CIZ1: variants seen among roughly 807,000 people sequenced by gnomAD.
CIZ1 encodes the protein cip1-interacting zinc finger protein.
In CIZ1, 58 loss-of-function variants were observed where a neutral mutation model predicts 118.6. That is an observed-to-expected ratio of 0.49 (90% CI 0.40 to 0.61). The LOEUF (loss-of-function observed/expected upper bound fraction) is 0.61. Ranked by LOEUF, CIZ1 falls within the 20% of genes least tolerant of loss-of-function variation. The pLI, the probability that CIZ1 is intolerant of heterozygous loss-of-function variation, is 0.00. For synonymous variants in CIZ1, 448 were observed against 443.4 expected, an observed-to-expected ratio of 1.01 and a Z score of -0.13; for missense variants, 921 against 1,115.9, an observed-to-expected ratio of 0.83 and a Z score of 2.49.
chr9:128,175,019 A>G (rs1830687433), intron 11 of CIZ1, among the ~76,000 whole-genome samples: 1 of 152,214 alleles, frequency 6.6e-6, no homozygotes. Flanking sequence ...TGGAGAGATA[A>G]CATTGGGAGA....
intron 1 of CIZ1, among the ~76,000 whole-genome samples, chr9:128,198,591 T>A (rs1833433215): frequency 6.6e-6 from 1 of 152,108 alleles, no homozygotes; most frequent in Admixed American, 6.6e-5. Flanking sequence ...CCCAGCACTT[T>A]GGGAGGCCGA....
intron 9 of CIZ1, 41 bp downstream of exon 9, chr9:128,178,328 C>A: frequency 6.3e-7 from 1 of 1,592,608 alleles, no homozygotes; most frequent in South Asian, 1.1e-5. Flanking sequence ...CCCTGCTGGG[C>A]TCTGTGGCCC....
chr9:128,166,714 CTA>C lies in CIZ1; in HGVS notation c.2487+43_2487+44del, dbSNP rs762951309. 62 of 1,613,556 alleles carry C rather than the reference CTA, an allele frequency of 3.8e-5. No homozygotes were observed. The African/African-American group carries it at 5.7e-4, about 15-fold the overall frequency. ...CCACCCGAATCAGCTTGGATTAAGA[CTA>C]AGTCTGTGGCCAGGGGAGGACAGGG... On this transcript the variant is annotated intron_variant, in intron 16 of 16. Transcript: ENST00000372938. The surrounding 1 kb of genome is among the most constrained non-coding windows in gnomAD (Gnocchi z 4.4).
upstream of CIZ1, among the ~76,000 whole-genome samples, chr9:128,196,459 G>T (rs1419135133): frequency 2.0e-5 from 3 of 151,324 alleles, no homozygotes; most frequent in Admixed American, 2.0e-4. Context: ...GAGGTGAGAG[G>T]ATCACTTGGG....
At chr9:128,185,277 TCAAAAAACAAA>T (rs1297468029) in intron 5 of CIZ1, among the ~76,000 whole-genome samples, 1 of 152,040 alleles carries the variant, frequency 6.6e-6, no homozygotes, top group Non-Finnish European at 1.5e-5. Flanking sequence ...AAACTTCATC[TCAAAAAACAAA>T]CAAAAAAGAA....
At chr9:128,180,908 G>A (rs547930034) in intron 5 of CIZ1, 94 bp from the exon 6 acceptor site, 27 of 895,794 alleles carry the variant, frequency 3.0e-5, no homozygotes, top group Non-Finnish European at 4.5e-5. Context: ...TCCAGGGGAT[G>A]ACAGGGCCCT....
chr9:128,169,611 G>A (rs995333970), intron 12 of CIZ1, 92 bp from the exon 13 acceptor site: 23 of 1,567,512 alleles, frequency 1.5e-5, no homozygotes, highest in Admixed American at 3.8e-5. Context: ...CACCTCCCCC[G>A]GGCAGGCCCA....
At chr9:128,178,290 T>G in intron 9 of CIZ1, 79 bp downstream of exon 9, 1 of 1,488,106 alleles carries the variant, frequency 6.7e-7, no homozygotes, top group Non-Finnish European at 9.1e-7. Flanking sequence ...GGCCCTGAGG[T>G]GGCCTGGGGC....
intron 1 of CIZ1, among the ~76,000 whole-genome samples, chr9:128,199,412 G>C: frequency 6.6e-6 from 1 of 151,576 alleles, no homozygotes; most frequent in East Asian, 1.9e-4. Flanking sequence ...CAAAACTTTG[G>C]GAGCTCAGCC....
intron 7 of CIZ1, among the ~76,000 whole-genome samples, chr9:128,179,809 A>AT (rs1201806643): frequency 6.6e-6 from 1 of 151,974 alleles, no homozygotes. Context: ...AGTAGCTGGG[A>AT]TTACAGACAT....
intron 11 of CIZ1, among the ~76,000 whole-genome samples, 196 bp downstream of exon 11, chr9:128,176,155 T>G (rs1457188790): frequency 6.6e-6 from 1 of 152,210 alleles, no homozygotes; most frequent in East Asian, 1.9e-4. Flanking sequence ...CATGAATTCC[T>G]GTACTATATC....
At chr9:128,192,825 G>T (rs775143804), upstream of CIZ1, among the ~76,000 whole-genome samples, 2 of 152,246 alleles carry the variant, frequency 1.3e-5, no homozygotes, top group African/African-American at 2.4e-5. Flanking sequence ...TTACAGGGGT[G>T]AGCCACCTCT....
rs78779152 is a variant in CIZ1, at chr9:128,191,184, G to A, written c.-6+248C>T. On this transcript the variant is annotated intron_variant, in intron 1 of 16. Transcript: ENST00000372938. This position sits in a 1 kb window ranked among gnomAD's most constrained non-coding sequence, Gnocchi z 5.5. ...ACCCTCAGCCTCAGCCTCTCTCTGCGCCCATCACTTCCTCACTCACAGCCC... is the reference window on the plus strand; with the variant it reads ...ACCCTCAGCCTCAGCCTCTCTCTGCACCCATCACTTCCTCACTCACAGCCC... The A allele has an allele frequency of 9.5e-3, 4,172 of 437,858 alleles. 167 individuals are homozygous for A. The highest frequency in any genetic ancestry group is 0.081 in the East Asian group (2,076 of 25,760). 27.1% of individuals were successfully genotyped at this position (437,858 alleles called of 1,614,324 possible).
chr9:128,181,770 G>A (rs7467855), intron 5 of CIZ1, among the ~76,000 whole-genome samples: 9 of 145,788 alleles, frequency 6.2e-5, no homozygotes, highest in African/African-American at 1.3e-4. Flanking sequence ...AAGGCGGGGG[G>A]GGGGGGGGGG....
At chr9:128,169,912 G>T in intron 12 of CIZ1, 108 bp downstream of exon 12, 1 of 1,110,740 alleles carries the variant, frequency 9.0e-7, no homozygotes, top group Non-Finnish European at 1.3e-6. Flanking sequence ...GGTTATGGGT[G>T]TGCAGGGGCA....
chr9:128,181,148 T>C (rs1339417713), intron 5 of CIZ1, among the ~76,000 whole-genome samples: 2 of 151,750 alleles, frequency 1.3e-5, no homozygotes, highest in Non-Finnish European at 2.9e-5. Flanking sequence ...AGAATTTCAG[T>C]CTTGTGGCCT....
chr9:128,169,542 A>T (rs1829869045), intron 12 of CIZ1, 23 bp from the exon 13 acceptor site: 1 of 1,612,260 alleles, frequency 6.2e-7, no homozygotes, highest in African/African-American at 1.3e-5. Flanking sequence ...AGGCCAACCA[A>T]GCAGTGTCCC....
chr9:128,184,355 T>C (rs1223770507), intron 5 of CIZ1, among the ~76,000 whole-genome samples: 2 of 152,236 alleles, frequency 1.3e-5, no homozygotes, highest in South Asian at 2.1e-4. Context: ...GAAATGATAA[T>C]AGTTTCATAT....
intron 1 of CIZ1, among the ~76,000 whole-genome samples, chr9:128,202,247 C>T (rs1275472783): frequency 1.3e-5 from 2 of 152,156 alleles, no homozygotes; most frequent in Non-Finnish European, 2.9e-5. Context: ...AATGACTCAC[C>T]GACTCCCCAT....
Sources: allele counts gnomAD v4.1 joint callset (sites outside exome capture counted in the v4.1 genomes callset), GRCh38; gene constraint gnomAD v4.1.1; non-coding constraint Gnocchi (gnomAD v3.1); transcripts MANE v1.5; gene names NCBI Gene and HGNC (gene_info 2026-07-23, HGNC 2026-07-21).